CA5B: variants seen among roughly 807,000 people sequenced by gnomAD.
CA5B encodes carbonic anhydrase 5B, mitochondrial.
CA5B carries 15 observed loss-of-function variants against 23.1 expected under a neutral mutation model. That is an observed-to-expected ratio of 0.65 (90% CI 0.43 to 1.00). The LOEUF is 1.00. CA5B is among the 50% of genes least tolerant of loss of function. CA5B has a pLI of 0.00. For missense variants in CA5B, 236 were observed against 252.2 expected, an observed-to-expected ratio of 0.94 and a Z score of 0.43; for synonymous variants, 84 against 98.5, an observed-to-expected ratio of 0.85 and a Z score of 0.87.
intron 4 of CA5B, 120 bp downstream of exon 4, chrX:15,772,734 G>A: frequency 2.4e-6 from 1 of 412,726 alleles, no homozygotes; most frequent in Non-Finnish European, 4.3e-6. Context: ...AGCTTTCTCA[G>A]GCAGTTTTGA....
intron 3 of CA5B, chrX:15,769,767 C>A: frequency 5.6e-6 from 1 of 179,928 alleles, no homozygotes; most frequent in Non-Finnish European, 8.7e-6. Context: ...AATTTTAAAA[C>A]ATTTCCATCA....
intron 3 of CA5B, among the ~76,000 whole-genome samples, chrX:15,765,541 A>C (rs1339318986): frequency 9.0e-6 from 1 of 110,590 alleles, no homozygotes; most frequent in East Asian, 2.8e-4. Flanking sequence ...AAATAGTCCA[A>C]ATTAGTCTCA....
chrX:15,741,612 G>A (rs975473796), intron 1 of CA5B, among the ~76,000 whole-genome samples: 6 of 109,531 alleles, frequency 5.5e-5, no homozygotes, highest in African/African-American at 2.0e-4. Context: ...CCGAGTACAG[G>A]CGCCCGCCAC....
intron 7 of CA5B, among the ~76,000 whole-genome samples, chrX:15,779,236 G>A (rs1404210605): frequency 1.8e-5 from 2 of 111,264 alleles, no homozygotes; most frequent in African/African-American, 6.5e-5. Flanking sequence ...GAAAGGAGAC[G>A]ATTGATGTTC....
At chrX:15,752,710 G>A (rs1290808638) in intron 2 of CA5B, among the ~76,000 whole-genome samples, 1 of 97,956 alleles carries the variant, frequency 1.0e-5, no homozygotes, top group Non-Finnish European at 2.1e-5. Flanking sequence ...GGGCGACAGA[G>A]CGAGACTCTG....
chrX:15,783,251 A>G lies in CA5B; in HGVS notation c.*587A>G, dbSNP rs1413210478. 1.8e-5 allele frequency: 2 copies of G among 112,022 alleles called. No individual in the cohort carries two copies. Among genetic ancestry groups the G allele is most frequent in the Non-Finnish European group, 3.8e-5 (2 of 53,222 alleles). 9.2% of individuals were successfully genotyped at this position (112,022 alleles called of 1,213,427 possible). A position where few individuals can be genotyped will look rare whatever the true frequency, so the allele number is the denominator to read the frequency against. On this transcript the variant is annotated 3_prime_UTR_variant, in exon 8 of 8. Coordinates refer to ENST00000318636, the MANE Select transcript of CA5B (RefSeq NM_007220.4). ...GAATATTGGCCATGGTTTTAGATGT[A>G]TTTTATTTTATAACATGAATGTGTA...
At chrX:15,755,241 G>T (rs1238924491) in intron 2 of CA5B, among the ~76,000 whole-genome samples, 2 of 111,993 alleles carry the variant, frequency 1.8e-5, no homozygotes, top group Non-Finnish European at 3.8e-5. Context: ...TGGCCTCAGG[G>T]TTATCTTCAG....
At chrX:15,745,986 G>T (rs1931221577) in intron 1 of CA5B, among the ~76,000 whole-genome samples, 1 of 106,407 alleles carries the variant, frequency 9.4e-6, no homozygotes, top group Admixed American at 1.0e-4. Context: ...AGCTTTCATA[G>T]CTTGCACCAT....
chrX:15,775,748 T>G, intron 6 of CA5B: 1 of 753,937 alleles, frequency 1.3e-6, no homozygotes, highest in Non-Finnish European at 1.6e-6. Context: ...TATTAATTCT[T>G]CAATATTCAG....
intron 7 of CA5B, among the ~76,000 whole-genome samples, chrX:15,778,978 A>G (rs188883684): frequency 1.2e-3 from 139 of 111,639 alleles, no homozygotes; most frequent in Non-Finnish European, 2.2e-3. Context: ...AGTTAGATAA[A>G]TAACCCTATA....
intron 6 of CA5B, chrX:15,775,837 C>T: frequency 1.3e-6 from 1 of 743,372 alleles, no homozygotes; most frequent in Non-Finnish European, 1.6e-6. Flanking sequence ...CCTCTGGTCC[C>T]CACCTCTTTC....
At chrX:15,747,972 G>A (rs1305718422) in intron 1 of CA5B, among the ~76,000 whole-genome samples, 1 of 109,070 alleles carries the variant, frequency 9.2e-6, no homozygotes. Flanking sequence ...TCCAAAAATG[G>A]GACAAGTGGC....
At chrX:15,775,194 C>G in intron 5 of CA5B, 52 bp from the exon 6 acceptor site, 4 of 948,772 alleles carry the variant, frequency 4.2e-6, no homozygotes, top group Non-Finnish European at 5.9e-6. Flanking sequence ...GTTACAGTTT[C>G]TACAGTGAGA....
chrX:15,761,064 A>G (rs1254860317), intron 2 of CA5B, among the ~76,000 whole-genome samples: 1 of 112,037 alleles, frequency 8.9e-6, no homozygotes, highest in Non-Finnish European at 1.9e-5. Context: ...AATACGGTAT[A>G]TTATATGTTA....
At chrX:15,765,886 G>T (rs1365346027) in intron 3 of CA5B, among the ~76,000 whole-genome samples, 1 of 110,763 alleles carries the variant, frequency 9.0e-6, no homozygotes, top group Non-Finnish European at 1.9e-5. Context: ...GCCAGGAGCG[G>T]TGGCTTATGC....
At chrX:15,756,349 C>T (rs1484565109) in intron 2 of CA5B, among the ~76,000 whole-genome samples, 1 of 112,067 alleles carries the variant, frequency 8.9e-6, no homozygotes, top group Non-Finnish European at 1.9e-5. Context: ...TGCCTTGTAC[C>T]AAGTAAAGCC....
intron 1 of CA5B, among the ~76,000 whole-genome samples, chrX:15,743,170 A>G (rs1931157831): frequency 8.9e-6 from 1 of 112,715 alleles, no homozygotes; most frequent in Admixed American, 9.4e-5. Context: ...ATCTTTGCCC[A>G]GGCAGTTCCC....
intron 2 of CA5B, among the ~76,000 whole-genome samples, chrX:15,759,787 C>T (rs939385781): frequency 4.5e-5 from 4 of 89,630 alleles, no homozygotes; most frequent in Non-Finnish European, 6.3e-5. Flanking sequence ...CTTGACCTGT[C>T]GCCCTGGCTG....
chrX:15,754,060 G>A (rs370534628), intron 2 of CA5B, among the ~76,000 whole-genome samples: 8 of 112,063 alleles, frequency 7.1e-5, no homozygotes, highest in African/African-American at 2.6e-4. Flanking sequence ...ATCTCTATTT[G>A]AGTGTTAAAG....
Sources: allele counts gnomAD v4.1 joint callset (sites outside exome capture counted in the v4.1 genomes callset), GRCh38; gene constraint gnomAD v4.1.1; transcripts MANE v1.5; gene names NCBI Gene and HGNC (gene_info 2026-07-23, HGNC 2026-07-21).